Variants in DBH observed in about 807,000 individuals in gnomAD.
DBH encodes the protein dopamine beta-hydroxylase.
DBH carries 49 observed loss-of-function variants against 64.0 expected under a neutral mutation model. The ratio of observed to expected loss-of-function variants is 0.77; its 90% confidence interval spans 0.61 to 0.97. The LOEUF is 0.97. DBH is among the 50% of genes least tolerant of loss of function. The pLI is 0.00. For missense variants in DBH, 828 were observed against 826.6 expected (o/e 1.00, Z -0.02); for synonymous variants, 343 against 347.1 (o/e 0.99, Z 0.13).
chr9:133,651,590 C>T (rs1217315038), intron 6 of DBH, 44 bp from the exon 7 acceptor site: 4 of 1,611,374 alleles, frequency 2.5e-6, no homozygotes. Flanking sequence ...GGGAGGGTCC[C>T]CTCGGGGGTC....
At chr9:133,657,409 GAGAGAGGA>G in intron 11 of DBH, 180 bp downstream of exon 11, 3 of 27,274 alleles carry the variant, frequency 1.1e-4, no homozygotes, top group Non-Finnish European at 1.8e-4. Flanking sequence ...AGAGAGAGAG[GAGAGAGGA>G]GAGAGAGGAG....
chr9:133,640,652 T>G (rs1470003004), intron 2 of DBH, among the ~76,000 whole-genome samples: 1 of 152,216 alleles, frequency 6.6e-6, no homozygotes, highest in Non-Finnish European at 1.5e-5. Context: ...GTGTAAGTAA[T>G]CCTTTGGTGT....
At chr9:133,655,759 A>C (rs1832309135) in intron 9 of DBH, 1 of 152,510 alleles carries the variant, frequency 6.6e-6, no homozygotes, top group Non-Finnish European at 1.5e-5. Flanking sequence ...ACCTGCTGGG[A>C]TCTGAGCTGC....
chr9:133,637,657 G>C (rs1832068938), intron 1 of DBH, among the ~76,000 whole-genome samples: 1 of 152,236 alleles, frequency 6.6e-6, no homozygotes, highest in Non-Finnish European at 1.5e-5. Flanking sequence ...GTCTCACCAT[G>C]GGCTGGTGGG....
intron 1 of DBH, among the ~76,000 whole-genome samples, chr9:133,638,464 C>T (rs953086945): frequency 1.3e-5 from 2 of 152,202 alleles, no homozygotes; most frequent in Admixed American, 6.5e-5. Flanking sequence ...GGGCCCGAGG[C>T]TTTCTTGGGG....
intron 2 of DBH, among the ~76,000 whole-genome samples, chr9:133,640,614 C>A (rs1226814597): frequency 6.6e-6 from 1 of 152,270 alleles, no homozygotes; most frequent in Non-Finnish European, 1.5e-5. Flanking sequence ...ACTCTTTTAA[C>A]TCTAGCACAC....
At chr9:133,650,571 G>C (rs1395089601) in intron 6 of DBH, among the ~76,000 whole-genome samples, 1 of 56,772 alleles carries the variant, frequency 1.8e-5, no homozygotes, top group Non-Finnish European at 3.4e-5. Flanking sequence ...TTTTTTGATG[G>C]AGTTTCGCTC....
At position 133,652,257 on chromosome 9, in the gene DBH, G is replaced by T. The variant is rs762467728; in HGVS notation, c.1347G>T (p.Met449Ile). The change falls in exon 8 of 12, where the codon ATG becomes ATT. Residue 449 changes from methionine to isoleucine, a missense_variant. Coordinates refer to ENST00000393056, the MANE Select transcript of DBH (RefSeq NM_000787.4). The stretch of plus-strand genomic sequence containing the variant: ...TCTGCCTGCCCCAGGAGATCCGCAT[G>T]TTGAAGAAGGTCGTGTCGGTCCATC... ...HYSPHFQEIR[M>I]LKKVVSVHPG... 1 of 1,613,756 alleles carries T rather than the reference G, an allele frequency of 6.2e-7. No individual in the cohort carries two copies. The highest frequency in any genetic ancestry group is 1.3e-5 in the African/African-American group (1 of 74,930).
intron 2 of DBH, 85 bp from the exon 3 acceptor site, chr9:133,642,122 G>C: frequency 1.3e-6 from 2 of 1,562,788 alleles, no homozygotes; most frequent in African/African-American, 1.3e-5. Flanking sequence ...GGTAGGTGTG[G>C]GTGGGCAGGG....
chr9:133,644,047 T>C (rs1001968410), intron 4 of DBH, among the ~76,000 whole-genome samples, 171 bp from the exon 5 acceptor site: 16 of 152,142 alleles, frequency 1.1e-4, no homozygotes, highest in Non-Finnish European at 2.2e-4. Flanking sequence ...CACAGGATGT[T>C]CCTGGGGCGT....
At chr9:133,653,054 C>G (rs1832271220) in intron 9 of DBH, 55 bp downstream of exon 9, 1 of 1,374,628 alleles carries the variant, frequency 7.3e-7, no homozygotes. Context: ...TCAGCCTGAG[C>G]CATCTGAGGA....
At chr9:133,644,177 C>CTCAG in intron 4 of DBH, 41 bp from the exon 5 acceptor site, 1 of 1,522,272 alleles carries the variant, frequency 6.6e-7, no homozygotes, top group East Asian at 2.2e-5. Context: ...CTGGGGCCCT[C>CTCAG]TCAGGACACA....
rs1173785022 is a variant in DBH at position 133,642,235 on chromosome 9, T to C, written c.515T>C (p.Ile172Thr). ...EDGTVHLVYG[I>T]LEEPFRSLEA... ...GGCACTGTCCACTTGGTCTACGGGA[T>C]CCTGGAGGAGCCGTTCCGGTCACTG... Residue 172 changes from isoleucine (I) to threonine (T), a missense_variant, in exon 3 of 12, where the codon ATC becomes ACC. Coordinates refer to ENST00000393056, the MANE Select transcript of DBH (RefSeq NM_000787.4). 1.2e-6 allele frequency: 2 copies of C among 1,613,682 alleles called. No individual in the cohort carries two copies. Among genetic ancestry groups the C allele is most frequent in the Non-Finnish European group, 1.7e-6 (2 of 1,179,972 alleles).
intron 9 of DBH, among the ~76,000 whole-genome samples, chr9:133,653,287 G>A (rs1029001494): frequency 1.3e-5 from 2 of 152,114 alleles, no homozygotes; most frequent in African/African-American, 4.8e-5. Context: ...CCTGCTCAAG[G>A]TTGAGAAGCA....
rs940574271 is a variant in DBH at position 133,652,873 on chromosome 9, G to C, written c.1375-67G>C. ...ATGCACAGTGGCGTGGTCCTATGGG[G>C]GCGAGGCCTCCAGCACCTGCCAACG... On this transcript the variant is annotated intron_variant, in intron 8 of 11. Coordinates refer to ENST00000393056, the MANE Select transcript of DBH (RefSeq NM_000787.4). The C allele has an allele frequency of 1.4e-5, 16 of 1,146,604 alleles. No individual in the cohort carries two copies. The South Asian group carries it at 1.8e-4, about 13-fold the overall frequency. The allele number at this position is 1,146,604 out of a possible 1,614,324, so 71.0% of individuals were successfully genotyped here.
chr9:133,644,442 C>T (rs1384045372), intron 5 of DBH, 122 bp downstream of exon 5: 9 of 817,738 alleles, frequency 1.1e-5, no homozygotes, highest in South Asian at 4.3e-5. Flanking sequence ...CCTCTTGGCA[C>T]GAGGCCCTTG....
In DBH at chr9:133,648,010, C is replaced by T. The variant is rs768061516; in HGVS notation, c.1189C>T (p.Leu397=). 1.9e-6 allele frequency: 3 copies of T among 1,611,632 alleles called. No homozygotes were observed. Among genetic ancestry groups the T allele is most frequent in the Admixed American group, 3.3e-5 (2 of 59,846 alleles). Residue 397 remains leucine, a splice_region_variant and synonymous_variant, in exon 6 of 12, where the codon CTG becomes TTG. Transcript: ENST00000393056. ...CTACTGCACGGACAAGTGCACCCAG[C>T]TGGTGAGTGGGGCTGGGCCCGGCAC... ...TGYCTDKCTQ[L]ALPPSGIHIF...
intron 1 of DBH, among the ~76,000 whole-genome samples, chr9:133,638,336 T>C (rs1374460248): frequency 2.6e-5 from 4 of 152,254 alleles, no homozygotes; most frequent in African/African-American, 9.6e-5. Flanking sequence ...CTTTTTTCTC[T>C]AGGGAAAGTT....
intron 7 of DBH, 121 bp downstream of exon 7, chr9:133,651,898 G>A (rs1832253895): frequency 9.9e-7 from 1 of 1,006,166 alleles, no homozygotes; most frequent in African/African-American, 1.6e-5. Context: ...TCCTGGGCCA[G>A]CCCCACCCGC....
Sources: allele counts gnomAD v4.1 joint callset (sites outside exome capture counted in the v4.1 genomes callset), GRCh38; gene constraint gnomAD v4.1.1; transcripts MANE v1.5; gene names NCBI Gene and HGNC (gene_info 2026-07-23, HGNC 2026-07-21).